The following NBAS variants were observed in gnomAD, a reference collection of about 807,000 sequenced individuals.
NBAS encodes the protein NAG/BC035112 fusion.
In NBAS, 219 loss-of-function variants were observed where a neutral mutation model predicts 302.5. The observed-to-expected ratio is 0.72, with a 90% CI of 0.65 to 0.81. The LOEUF (loss-of-function observed/expected upper bound fraction) is 0.81. Among genes scored for constraint, NBAS ranks in the 30% least tolerant of loss-of-function variants. NBAS has a pLI of 0.00. For missense variants in NBAS, 2,932 were observed against 2,841.6 expected (o/e 1.03, Z -0.72); for synonymous variants, 1,118 against 1,021.6 (o/e 1.09, Z -1.80).
At chr2:15,216,554 T>C (rs962483439) in intron 48 of NBAS, among the ~76,000 whole-genome samples, 2 of 152,242 alleles carry the variant, frequency 1.3e-5, no homozygotes, top group African/African-American at 4.8e-5. Context: ...GTTCTGCTTT[T>C]GGAAAAAGTT....
the NBAS span, among the ~76,000 whole-genome samples, chr2:14,948,404 C>T: frequency 6.6e-6 from 1 of 151,922 alleles, no homozygotes. Context: ...AGTAAAGTTG[C>T]AAGATACAAA....
the NBAS span, among the ~76,000 whole-genome samples, chr2:14,787,257 G>A: frequency 6.6e-6 from 1 of 152,018 alleles, no homozygotes; most frequent in Admixed American, 6.6e-5. Context: ...CACACTGATG[G>A]GTCTTGACTC....
At chr2:15,193,586 ATT>A (rs1287919605) in intron 48 of NBAS, among the ~76,000 whole-genome samples, 1 of 152,120 alleles carries the variant, frequency 6.6e-6, no homozygotes, top group African/African-American at 2.4e-5. Flanking sequence ...ATCCTTTAAG[ATT>A]TTTTGCAATA....
chr2:15,080,621 C>T, the NBAS span, among the ~76,000 whole-genome samples: 3,982 of 152,274 alleles, frequency 0.026, 178 homozygotes, highest in African/African-American at 0.091. Context: ...GCTTCATAAG[C>T]CATCAACTGA....
chr2:14,912,097 T>C, the NBAS span, among the ~76,000 whole-genome samples: 2 of 152,194 alleles, frequency 1.3e-5, no homozygotes, highest in African/African-American at 4.8e-5. Context: ...GCTAATACTG[T>C]AGGCAATTAT....
chr2:15,064,385 C>A, the NBAS span, among the ~76,000 whole-genome samples: 7 of 149,500 alleles, frequency 4.7e-5, no homozygotes, highest in African/African-American at 1.2e-4. Context: ...CTACTATGAA[C>A]AATTAAACAT....
chr2:15,187,309 A>C (rs1369341811), intron 49 of NBAS, among the ~76,000 whole-genome samples: 1 of 152,092 alleles, frequency 6.6e-6, no homozygotes, highest in Admixed American at 6.5e-5. Context: ...GATGTATGTA[A>C]TTGTGAAGAA....
chr2:14,795,824 G>A, the NBAS span, among the ~76,000 whole-genome samples: 2 of 152,140 alleles, frequency 1.3e-5, no homozygotes, highest in South Asian at 4.1e-4. Flanking sequence ...AACTGTAACA[G>A]CCAAAAATAT....
At chr2:15,245,663 A>C (rs1668066476) in intron 44 of NBAS, among the ~76,000 whole-genome samples, 1 of 151,944 alleles carries the variant, frequency 6.6e-6, no homozygotes, top group African/African-American at 2.4e-5. Flanking sequence ...GGACGGACGG[A>C]TGGATGGATG....
intron 51 of NBAS, 42 bp from the exon 52 acceptor site, chr2:15,167,365 T>C (rs1269152023): frequency 6.2e-7 from 1 of 1,609,364 alleles, no homozygotes; most frequent in East Asian, 2.2e-5. Flanking sequence ...GGGTGTTTGC[T>C]TTGTTCGCCT....
At chr2:15,094,993 G>C in the NBAS span, among the ~76,000 whole-genome samples, 1 of 152,110 alleles carries the variant, frequency 6.6e-6, no homozygotes, top group Non-Finnish European at 1.5e-5. Context: ...CCCCATATTT[G>C]TTTAAAAATT....
the NBAS span, among the ~76,000 whole-genome samples, chr2:15,136,064 C>T: frequency 0.32 from 49,016 of 152,018 alleles, 8,291 homozygotes; most frequent in African/African-American, 0.44. Context: ...CAAGAGGCAA[C>T]GCCTCTATCC....
chr2:14,965,272 A>T, the NBAS span, among the ~76,000 whole-genome samples: 1 of 152,164 alleles, frequency 6.6e-6, no homozygotes, highest in Non-Finnish European at 1.5e-5. Flanking sequence ...CAGATCAATA[A>T]AATTGAGACC....
chr2:15,478,319 G>A, intron 12 of NBAS, 30 bp from the exon 13 acceptor site: 1 of 1,507,538 alleles, frequency 6.6e-7, no homozygotes, highest in Non-Finnish European at 9.2e-7. Context: ...CTTCCTGAGT[G>A]AACTATGTAA....
At chr2:15,401,391 A>G (rs1309864280) in intron 26 of NBAS, among the ~76,000 whole-genome samples, 1 of 152,158 alleles carries the variant, frequency 6.6e-6, no homozygotes, top group Non-Finnish European at 1.5e-5. Flanking sequence ...GAGAGAAAAG[A>G]GGGAGAAGAT....
chr2:15,138,699 A>G, the NBAS span, among the ~76,000 whole-genome samples: 1 of 152,166 alleles, frequency 6.6e-6, no homozygotes, highest in East Asian at 1.9e-4. Flanking sequence ...TGGGCAAAAA[A>G]AAAAGCAATA....
intron 9 of NBAS, 151 bp downstream of exon 9, chr2:15,534,392 C>T: frequency 1.5e-6 from 1 of 683,194 alleles, no homozygotes; most frequent in South Asian, 1.6e-5. Context: ...CATGAATAAT[C>T]AGATGACAAC....
chr2:15,330,826 A>G lies in NBAS; in HGVS notation c.4180-61T>C, dbSNP rs531516347. On this transcript the variant is annotated intron_variant, in intron 35 of 51. Transcript: ENST00000281513. ...GCATTACCATAAGAACAGAGAAGACAGTGATAATGTGACTGCTTAAAATGA... is the reference window on the plus strand; with the variant it reads ...GCATTACCATAAGAACAGAGAAGACGGTGATAATGTGACTGCTTAAAATGA... 23 of 1,547,854 alleles carry G rather than the reference A, an allele frequency of 1.5e-5. No homozygotes were observed. The African/African-American group carries it at 3.1e-4, about 21-fold the overall frequency.
intron 42 of NBAS, among the ~76,000 whole-genome samples, chr2:15,285,442 TTCAAGCACTGCC>T (rs1352829470): frequency 1.2e-4 from 18 of 152,202 alleles, no homozygotes; most frequent in Admixed American, 1.0e-3. Context: ...TGTGGAAGAC[TTCAAGCACTGCC>T]TCAAGCTTTC....
Sources: allele counts gnomAD v4.1 joint callset (sites outside exome capture counted in the v4.1 genomes callset), GRCh38; gene constraint gnomAD v4.1.1; transcripts MANE v1.5; gene names NCBI Gene and HGNC (gene_info 2026-07-23, HGNC 2026-07-21).